SDC2: variants seen among roughly 807,000 people sequenced by gnomAD.
SDC2 encodes the protein syndecan-2.
A neutral mutation model predicts 22.2 loss-of-function variants in SDC2; 13 were observed. The ratio of observed to expected loss-of-function variants is 0.59; its 90% CI spans 0.38 to 0.93. The LOEUF (loss-of-function observed/expected upper bound fraction) is 0.93, where lower values mean the gene tolerates loss of function less well. Among genes scored for constraint, SDC2 ranks in the 40% least tolerant of loss-of-function variants. The pLI is 0.00. For synonymous variants in SDC2, 94 were observed against 92.8 expected (o/e 1.01, Z -0.07); for missense variants, 235 against 246.8 (o/e 0.95, Z 0.32).
chr8:96,592,069 C>T (rs960929092), intron 1 of SDC2, among the ~76,000 whole-genome samples: 1 of 152,224 alleles, frequency 6.6e-6, no homozygotes, highest in Non-Finnish European at 1.5e-5. Flanking sequence ...TTGCAGCACA[C>T]TCTTGGCTCA....
intron 1 of SDC2, among the ~76,000 whole-genome samples, chr8:96,506,031 A>G (rs1470805255): frequency 2.0e-5 from 3 of 152,218 alleles, no homozygotes; most frequent in Non-Finnish European, 4.4e-5. Context: ...AAAAACCACA[A>G]TGGAGAATAA....
chr8:96,543,064 G>A (rs1466446537), intron 1 of SDC2, among the ~76,000 whole-genome samples: 1 of 152,132 alleles, frequency 6.6e-6, no homozygotes, highest in Non-Finnish European at 1.5e-5. Context: ...ACATTTAGAT[G>A]TTTTTTGGAT....
intron 1 of SDC2, among the ~76,000 whole-genome samples, chr8:96,515,242 A>G (rs956300174): frequency 6.6e-6 from 1 of 152,172 alleles, no homozygotes; most frequent in Non-Finnish European, 1.5e-5. Flanking sequence ...CTGCCTTGCA[A>G]TGAAGTTTTT....
intron 1 of SDC2, among the ~76,000 whole-genome samples, chr8:96,547,591 G>A (rs1813955057): frequency 6.6e-6 from 1 of 152,152 alleles, no homozygotes; most frequent in African/African-American, 2.4e-5. Context: ...GGGAATAAAA[G>A]GTGTCTGGGT....
chr8:96,524,285 G>A (rs1009779298), intron 1 of SDC2, among the ~76,000 whole-genome samples: 4 of 152,074 alleles, frequency 2.6e-5, no homozygotes, highest in African/African-American at 9.7e-5. Context: ...ACTTCTTAAC[G>A]TGCACATACA....
At chr8:96,502,617 T>C (rs1304135457) in intron 1 of SDC2, among the ~76,000 whole-genome samples, 1 of 152,186 alleles carries the variant, frequency 6.6e-6, no homozygotes, top group Non-Finnish European at 1.5e-5. Flanking sequence ...GGTCCCTCTC[T>C]AGAGCACTTG....
intron 1 of SDC2, among the ~76,000 whole-genome samples, chr8:96,518,156 T>G (rs1813435868): frequency 6.6e-6 from 1 of 152,136 alleles, no homozygotes; most frequent in South Asian, 2.1e-4. Context: ...GTCCTCACCC[T>G]TAAGCAGCTG....
intron 1 of SDC2, among the ~76,000 whole-genome samples, chr8:96,579,971 C>T (rs554998764): frequency 2.0e-5 from 3 of 152,268 alleles, no homozygotes; most frequent in South Asian, 2.1e-4. Flanking sequence ...TAGGGCTTTC[C>T]GAATGGCAGC....
At chr8:96,504,757 A>T (rs1442384082) in intron 1 of SDC2, among the ~76,000 whole-genome samples, 1 of 152,134 alleles carries the variant, frequency 6.6e-6, no homozygotes, top group African/African-American at 2.4e-5. Flanking sequence ...TGGGACATAT[A>T]TTTTCACAAA....
chr8:96,576,714 C>T (rs930793536), intron 1 of SDC2, among the ~76,000 whole-genome samples: 1 of 151,948 alleles, frequency 6.6e-6, no homozygotes, highest in Admixed American at 6.6e-5. Context: ...CCACCGCGCC[C>T]GGCCTATTCT....
At chr8:96,555,016 C>T (rs781082670) in intron 1 of SDC2, among the ~76,000 whole-genome samples, 4 of 152,060 alleles carry the variant, frequency 2.6e-5, no homozygotes, top group Non-Finnish European at 2.9e-5. Flanking sequence ...TTACCCTCCA[C>T]GTCAGCGCTT....
At chr8:96,530,565 C>T (rs1051223426) in intron 1 of SDC2, among the ~76,000 whole-genome samples, 15 of 152,250 alleles carry the variant, frequency 9.9e-5, no homozygotes, top group Admixed American at 9.2e-4. Context: ...ACCCAGGAGG[C>T]AGAGGTTGCA....
intron 1 of SDC2, among the ~76,000 whole-genome samples, chr8:96,495,351 G>A (rs1586262867): frequency 6.6e-6 from 1 of 152,350 alleles, no homozygotes; most frequent in Non-Finnish European, 1.5e-5. Context: ...GGGGGCTGGA[G>A]CTTGTTTCCC....
At chr8:96,570,539 C>T (rs1308146913) in intron 1 of SDC2, among the ~76,000 whole-genome samples, 3 of 152,142 alleles carry the variant, frequency 2.0e-5, no homozygotes, top group South Asian at 2.1e-4. Context: ...AAAATAATTT[C>T]GGCTGAGAAA....
At chr8:96,518,636 C>T (rs973772469) in intron 1 of SDC2, among the ~76,000 whole-genome samples, 4 of 152,110 alleles carry the variant, frequency 2.6e-5, no homozygotes, top group African/African-American at 7.2e-5. Context: ...GGATTACAGG[C>T]GTGAGCCACC....
chr8:96,587,793 A>G (rs1814711200), intron 1 of SDC2, among the ~76,000 whole-genome samples: 1 of 152,180 alleles, frequency 6.6e-6, no homozygotes, highest in Non-Finnish European at 1.5e-5. Flanking sequence ...CAAGTTCAAC[A>G]CAGCTCTTTA....
At chr8:96,540,735 G>A (rs1370371359) in intron 1 of SDC2, among the ~76,000 whole-genome samples, 22 of 152,130 alleles carry the variant, frequency 1.4e-4, no homozygotes. Context: ...TCTTTTTCCG[G>A]TTGAAGAGGC....
intron 1 of SDC2, among the ~76,000 whole-genome samples, chr8:96,496,337 A>T (rs1199086692): frequency 6.6e-6 from 1 of 152,184 alleles, no homozygotes; most frequent in Non-Finnish European, 1.5e-5. Flanking sequence ...CCAGAACTGG[A>T]TGCTTTCCGA....
chr8:96,601,655 A>G (rs1033567463), intron 2 of SDC2, among the ~76,000 whole-genome samples: 1 of 151,690 alleles, frequency 6.6e-6, no homozygotes, highest in African/African-American at 2.4e-5. Flanking sequence ...AAAAAAAAAA[A>G]AAAAGAAACA....
Sources: allele counts gnomAD v4.1 joint callset (sites outside exome capture counted in the v4.1 genomes callset), GRCh38; gene constraint gnomAD v4.1.1; transcripts MANE v1.5; gene names NCBI Gene and HGNC (gene_info 2026-07-23, HGNC 2026-07-21).